Variants in PPARGC1A observed in about 807,000 individuals in gnomAD.
The protein encoded by PPARGC1A is peroxisome proliferator-activated receptor gamma coactivator 1-alpha.
Under a neutral mutation model 88.7 loss-of-function variants are expected in PPARGC1A, and 25 were observed. That is an observed-to-expected ratio of 0.28 (90% CI 0.21 to 0.39). PPARGC1A has a LOEUF of 0.39. Ranked by LOEUF, PPARGC1A falls within the 10% of genes least tolerant of loss-of-function variation. PPARGC1A has a pLI of 1.00. For missense variants in PPARGC1A, 880 were observed against 968.7 expected, an observed-to-expected ratio of 0.91 and a Z score of 1.22; for synonymous variants, 363 against 355.6, an observed-to-expected ratio of 1.02 and a Z score of -0.24.
At chr4:24,457,710 A>G in the PPARGC1A span, among the ~76,000 whole-genome samples, 5 of 151,780 alleles carry the variant, frequency 3.3e-5, no homozygotes, top group African/African-American at 4.8e-5. Flanking sequence ...ACGCCTGGCT[A>G]ATTTATTATT....
chr4:24,267,298 T>C, the PPARGC1A span, among the ~76,000 whole-genome samples: 1 of 152,192 alleles, frequency 6.6e-6, no homozygotes, highest in African/African-American at 2.4e-5. Flanking sequence ...GAGGGATGGT[T>C]ATTTCGGTAC....
chr4:24,366,692 C>T, the PPARGC1A span, among the ~76,000 whole-genome samples: 4 of 152,132 alleles, frequency 2.6e-5, no homozygotes, highest in African/African-American at 9.7e-5. Flanking sequence ...GCTTTCTATC[C>T]TGCTCTCCCC....
At chr4:23,910,453 A>T in the PPARGC1A span, among the ~76,000 whole-genome samples, 34 of 126,816 alleles carry the variant, frequency 2.7e-4, no homozygotes, top group African/African-American at 9.3e-4. Flanking sequence ...ATATATATAT[A>T]TTTTTGACAC....
chr4:24,178,666 C>G, the PPARGC1A span, among the ~76,000 whole-genome samples: 1 of 152,178 alleles, frequency 6.6e-6, no homozygotes, highest in African/African-American at 2.4e-5. Flanking sequence ...AATCATTTAC[C>G]TGATGCATAA....
chr4:24,469,686 CAT>C, the PPARGC1A span, among the ~76,000 whole-genome samples: 1 of 152,212 alleles, frequency 6.6e-6, no homozygotes, highest in Admixed American at 6.5e-5. Flanking sequence ...TTCTTAGCAA[CAT>C]GAGTATCCCC....
the PPARGC1A span, among the ~76,000 whole-genome samples, chr4:23,913,265 T>G: frequency 0.031 from 1,835 of 58,458 alleles, 10 homozygotes; most frequent in South Asian, 0.045. Context: ...TATATATATA[T>G]ATAGAGAGAG....
chr4:23,876,562 T>C (rs543809175), intron 2 of PPARGC1A, among the ~76,000 whole-genome samples: 3 of 152,272 alleles, frequency 2.0e-5, no homozygotes, highest in African/African-American at 7.2e-5. Flanking sequence ...TGATAAATCA[T>C]GCTGATTTGG....
At chr4:24,130,373 T>C in the PPARGC1A span, among the ~76,000 whole-genome samples, 1 of 152,162 alleles carries the variant, frequency 6.6e-6, no homozygotes, top group Non-Finnish European at 1.5e-5. Flanking sequence ...ACCTGGGCAA[T>C]CTGAGACCAA....
rs1270117173 is a variant in PPARGC1A, at chr4:23,831,761, G to A, written c.235-10C>T. The A allele has an allele frequency of 4.4e-6, 7 of 1,601,212 alleles. No homozygotes were observed. The highest frequency in any genetic ancestry group is 6.0e-6 in the Non-Finnish European group (7 of 1,169,766). On this transcript the variant is annotated splice_polypyrimidine_tract_variant and intron_variant, in intron 2 of 12. Transcript: ENST00000264867. ...TCTCTTCATCTATCTTCTGCAGAAA[G>A]AGAAAAAAACAGAAGATGTGAGTTG... is the stretch of plus-strand genomic sequence containing the variant.
At chr4:23,795,996 A>G in intron 12 of PPARGC1A, 71 bp from the exon 13 acceptor site, 2 of 1,041,188 alleles carry the variant, frequency 1.9e-6, no homozygotes, top group Non-Finnish European at 2.9e-6. Context: ...TTCCAATTCA[A>G]GATTACTGGA....
the PPARGC1A span, among the ~76,000 whole-genome samples, chr4:23,938,796 G>A: frequency 6.6e-6 from 1 of 152,232 alleles, no homozygotes; most frequent in African/African-American, 2.4e-5. Flanking sequence ...GACAGTGACA[G>A]AGAAGCAAAC....
chr4:24,164,340 T>C, the PPARGC1A span, among the ~76,000 whole-genome samples: 2 of 152,090 alleles, frequency 1.3e-5, no homozygotes, highest in African/African-American at 4.8e-5. Flanking sequence ...ATTTTAAAAT[T>C]CCAATAAGCA....
chr4:23,946,190 A>AT, the PPARGC1A span, among the ~76,000 whole-genome samples: 1 of 152,168 alleles, frequency 6.6e-6, no homozygotes, highest in African/African-American at 2.4e-5. Context: ...CAGAGCACCC[A>AT]TTTTGTCTAC....
At chr4:24,314,907 C>T in the PPARGC1A span, among the ~76,000 whole-genome samples, 1,012 of 152,008 alleles carry the variant, frequency 6.7e-3, 6 homozygotes, top group African/African-American at 0.023. Context: ...AGGCTCTCAG[C>T]TTTCCACTAC....
chr4:24,013,859 C>A, the PPARGC1A span, among the ~76,000 whole-genome samples: 4 of 152,174 alleles, frequency 2.6e-5, no homozygotes, highest in Admixed American at 1.3e-4. Flanking sequence ...CAAATAAGTT[C>A]TTGGGGAAGG....
At chr4:23,931,829 G>A in the PPARGC1A span, among the ~76,000 whole-genome samples, 26 of 152,166 alleles carry the variant, frequency 1.7e-4, 2 homozygotes, top group Admixed American at 1.2e-3. Context: ...AAGTTATGAC[G>A]ATCTTTGGAG....
Position 23,814,355 on chromosome 4 carries a change from G to T in PPARGC1A, c.1128C>A (p.Pro376=), listed in dbSNP as rs752271377. 6.2e-7 allele frequency: 1 copy of T among 1,613,848 alleles called. No individual in the cohort carries two copies. The stretch of plus-strand genomic sequence containing the variant: ...CATGGTCACCAAACAGCCGCAGACT[G>T]GGCCGCTTGGTCTTCCTTTCCTCGT... ...GGHEERKTKR[P]SLRLFGDHDY... Residue 376 remains proline (P), a synonymous_variant, in exon 8 of 13, where the codon CCC becomes CCA. Transcript: ENST00000264867.
the PPARGC1A span, among the ~76,000 whole-genome samples, chr4:24,218,012 A>T: frequency 3.9e-5 from 6 of 152,256 alleles, no homozygotes; most frequent in African/African-American, 1.4e-4. Context: ...TATTCCAAAA[A>T]AGGAAGGTAC....
the PPARGC1A span, among the ~76,000 whole-genome samples, chr4:24,413,236 C>T: frequency 1.3e-5 from 1 of 79,154 alleles, no homozygotes; most frequent in African/African-American, 4.5e-5. Flanking sequence ...TCCTGCCTGG[C>T]TTCATTTTTT....
Sources: allele counts gnomAD v4.1 joint callset (sites outside exome capture counted in the v4.1 genomes callset), GRCh38; gene constraint gnomAD v4.1.1; transcripts MANE v1.5; gene names NCBI Gene and HGNC (gene_info 2026-07-23, HGNC 2026-07-21).